SCD5: variants seen among roughly 807,000 people sequenced by gnomAD.
SCD5 encodes the protein stearoyl-CoA desaturase 5.
A neutral mutation model predicts 30.4 loss-of-function variants in SCD5; 20 were observed. The observed-to-expected ratio is 0.66, with a 90% CI of 0.46 to 0.96. SCD5 has a LOEUF of 0.96. SCD5 is among the 40% of genes least tolerant of loss of function. SCD5 has a pLI of 0.00. For synonymous variants in SCD5, 173 were observed against 176.4 expected (o/e 0.98, Z 0.16); for missense variants, 381 against 443.3 (o/e 0.86, Z 1.26).
chr4:82,644,619 C>T (rs1433486650), intron 3 of SCD5, among the ~76,000 whole-genome samples: 1 of 152,222 alleles, frequency 6.6e-6, no homozygotes, highest in Non-Finnish European at 1.5e-5. Flanking sequence ...GAGTACGATA[C>T]AATCCCAAGG....
intron 2 of SCD5, among the ~76,000 whole-genome samples, chr4:82,702,050 T>C (rs1296222762): frequency 6.6e-6 from 1 of 151,388 alleles, no homozygotes; most frequent in Non-Finnish European, 1.5e-5. Flanking sequence ...CAGGAGATCT[T>C]TGCTGAATAC....
chr4:82,747,649 T>C (rs17006260), intron 1 of SCD5, among the ~76,000 whole-genome samples: 3,238 of 152,368 alleles, frequency 0.021, 112 homozygotes, highest in African/African-American at 0.073. Context: ...CCAGCTGTCA[T>C]TTTTGTTATG....
intron 3 of SCD5, among the ~76,000 whole-genome samples, chr4:82,676,729 T>G (rs902262420): frequency 7.9e-5 from 12 of 152,202 alleles, no homozygotes; most frequent in African/African-American, 2.9e-4. Context: ...CTCCTCACTT[T>G]GTGGAGAGAA....
intron 2 of SCD5, among the ~76,000 whole-genome samples, chr4:82,688,937 T>C (rs1355866764): frequency 6.6e-6 from 1 of 152,180 alleles, no homozygotes; most frequent in African/African-American, 2.4e-5. Context: ...GGCAAATAAG[T>C]TGGTCTTCTG....
Position 82,631,383 on chromosome 4 carries a change from C to A in SCD5, c.937G>T (p.Ala313Ser), listed in dbSNP as rs766274945. 2 of 1,613,840 alleles carry A rather than the reference C, an allele frequency of 1.2e-6. No homozygotes were observed. Among genetic ancestry groups the A allele is most frequent in the Non-Finnish European group, 1.7e-6 (2 of 1,179,996 alleles). Residue 313 changes from alanine to serine, a missense_variant, in exon 5 of 5, where the codon GCA (alanine) becomes TCA (serine). Coordinates refer to ENST00000319540, the MANE Select transcript of SCD5 (RefSeq NM_001037582.3). ...WLGLATDRKR[A>S]TKPMIEARKA... The stretch of plus-strand genomic sequence containing the variant: ...CGGGCCTCGATCATCGGCTTGGTTG[C>A]CCGTTTGCGGTCAGTGGCCAGCCCC...
At chr4:82,786,771 G>A (rs1454724953) in intron 1 of SCD5, among the ~76,000 whole-genome samples, 6 of 143,540 alleles carry the variant, frequency 4.2e-5, no homozygotes, top group East Asian at 2.0e-4. Flanking sequence ...CAGCCTGGGG[G>A]ACAAGAGCGA....
At chr4:82,648,512 G>C (rs750322339) in intron 3 of SCD5, among the ~76,000 whole-genome samples, 7 of 115,548 alleles carry the variant, frequency 6.1e-5, no homozygotes, top group Non-Finnish European at 1.1e-4. Flanking sequence ...GCATGATCTC[G>C]AGAAACAACA....
At chr4:82,703,802 G>A (rs6827568) in intron 2 of SCD5, among the ~76,000 whole-genome samples, 80,638 of 152,034 alleles carry the variant, frequency 0.53, 23,432 homozygotes, top group African/African-American at 0.79. Flanking sequence ...ATAAAGAAAG[G>A]ATTGCTTGAA....
intron 3 of SCD5, among the ~76,000 whole-genome samples, chr4:82,643,464 C>A (rs1727583308): frequency 6.6e-6 from 1 of 152,018 alleles, no homozygotes; most frequent in Non-Finnish European, 1.5e-5. Context: ...GTAAAATAAA[C>A]CAGACAAAAA....
rs374367779 is a variant in SCD5, at chr4:82,705,363, G to A, written c.283C>T (p.Arg95Cys). 129 of 1,614,100 alleles carry A rather than the reference G, an allele frequency of 8.0e-5. No individual in the cohort carries two copies. Among genetic ancestry groups the A allele is most frequent in the Non-Finnish European group, 1.0e-4 (119 of 1,180,032 alleles). The change falls in exon 2 of 5, where the codon CGC (arginine) becomes TGC (cysteine). Residue 95 changes from arginine to cysteine, a missense_variant. Coordinates refer to ENST00000319540, the MANE Select transcript of SCD5 (RefSeq NM_001037582.3). ...AALGVTAGAH[R>C]LWSHRSYRAK... ...CGGTAGGACCTGTGGCTCCACAAGC[G>A]ATGGGCACCAGCTGTCACACCCAGA...
chr4:82,648,160 G>T lies in SCD5; in HGVS notation c.570-11337C>A, dbSNP rs1017289887. 7.2e-5 allele frequency among the ~76,000 whole-genome samples: 11 copies of T among 152,354 alleles called. No homozygotes were observed. The East Asian group carries it at 1.2e-3, about 16-fold the overall frequency. ...TCAGTCGGGCTGGACCATCTTCCAAGAGGCCATCTGAGCCACTGAACCTCA... is the reference window on the plus strand; with the variant it reads ...TCAGTCGGGCTGGACCATCTTCCAATAGGCCATCTGAGCCACTGAACCTCA... On this transcript the variant is annotated intron_variant, in intron 3 of 4. Transcript: ENST00000319540.
chr4:82,702,797 T>TA (rs767242053), intron 2 of SCD5, among the ~76,000 whole-genome samples: 3 of 152,232 alleles, frequency 2.0e-5, no homozygotes, highest in Non-Finnish European at 2.9e-5. Context: ...GTCACCATCC[T>TA]ACACTGGCAG....
intron 3 of SCD5, chr4:82,660,952 A>G: frequency 6.2e-7 from 1 of 1,614,226 alleles, no homozygotes; most frequent in Non-Finnish European, 8.5e-7. Flanking sequence ...ATGAGTATGT[A>G]ACAAAGCTAA....
chr4:82,698,938 G>A (rs555422172), intron 2 of SCD5, among the ~76,000 whole-genome samples: 36 of 152,196 alleles, frequency 2.4e-4, no homozygotes, highest in Non-Finnish European at 4.4e-4. Flanking sequence ...TAATATACAC[G>A]TTATGAGGAC....
intron 3 of SCD5, among the ~76,000 whole-genome samples, chr4:82,638,790 G>A (rs1727482797): frequency 6.6e-6 from 1 of 152,198 alleles, no homozygotes; most frequent in Non-Finnish European, 1.5e-5. Context: ...GTACTACAGG[G>A]TTGTTGTGAG....
intron 3 of SCD5, among the ~76,000 whole-genome samples, chr4:82,664,014 C>T (rs1321547656): frequency 6.6e-6 from 1 of 152,104 alleles, no homozygotes; most frequent in Admixed American, 6.5e-5. Context: ...ATGAAGAAAC[C>T]CTCTACTCTT....
In SCD5 at chr4:82,786,295, C is replaced by T. The variant is rs536144057; in HGVS notation, c.232+12011G>A. ...AGGGTGCTATTAGAGACGGCCTTTC[C>T]AATTTAGGTCATAGGCTGCATTTGT... On this transcript the variant is annotated intron_variant, in intron 1 of 4. Coordinates refer to ENST00000319540, the MANE Select transcript of SCD5 (RefSeq NM_001037582.3). Among the ~76,000 whole-genome samples the T allele has an allele frequency of 2.6e-5, 4 of 152,082 alleles. No individual in the cohort carries two copies. The South Asian group carries it at 6.2e-4, about 24-fold the overall frequency.
At chr4:82,639,071 C>T (rs923795794) in intron 3 of SCD5, among the ~76,000 whole-genome samples, 1 of 152,248 alleles carries the variant, frequency 6.6e-6, no homozygotes, top group Admixed American at 6.5e-5. Flanking sequence ...ACTGAAAAAA[C>T]ATACGTCAAT....
intron 3 of SCD5, chr4:82,661,113 C>A: frequency 6.3e-7 from 1 of 1,597,502 alleles, no homozygotes; most frequent in Non-Finnish European, 8.6e-7. Flanking sequence ...GAGAGTTCCA[C>A]CCAGGTTTGT....
Sources: allele counts gnomAD v4.1 joint callset (sites outside exome capture counted in the v4.1 genomes callset), GRCh38; gene constraint gnomAD v4.1.1; transcripts MANE v1.5; gene names NCBI Gene and HGNC (gene_info 2026-07-23, HGNC 2026-07-21).